Variants in CDH10 observed in about 807,000 individuals in gnomAD.
CDH10 encodes the protein cadherin 10.
In CDH10, 30 loss-of-function variants were observed where a neutral mutation model predicts 73.1. That is an observed-to-expected ratio of 0.41 (90% confidence interval 0.31 to 0.56). CDH10 has a LOEUF of 0.56. Among genes scored for constraint, CDH10 ranks in the 20% least tolerant of loss-of-function variants. CDH10 has a pLI of 0.27. For missense variants in CDH10, 815 were observed against 973.7 expected (o/e 0.84, Z 2.17); for synonymous variants, 345 against 348.2 (o/e 0.99, Z 0.10).
At position 24,504,506 on chromosome 5, in the gene CDH10, C is replaced by CTGTTTTTTTTTTT. The variant is rs1554016940; in HGVS notation, c.1393+605_1393+606insAAAAAAAAAAACA. Among the ~76,000 whole-genome samples the CTGTTTTTTTTTTT allele has an allele frequency of 2.5e-3, 165 of 65,160 alleles. 68 individuals carry two copies. Among genetic ancestry groups the CTGTTTTTTTTTTT allele is most frequent in the East Asian group, 9.2e-3 (17 of 1,840 alleles). The allele number at this position is 65,160 out of a possible 152,430, so 42.7% of individuals were successfully genotyped here. On this transcript the variant is annotated intron_variant, in intron 8 of 11. Transcript: ENST00000264463. ...TATTAAATGCTTTTCTCCTATTAAT[C>CTGTTTTTTTTTTT]TTTTTTTTTTTTTTTTTTTTTTTTT...
intron 2 of CDH10, among the ~76,000 whole-genome samples, chr5:24,575,077 C>T (rs1019731252): frequency 2.0e-5 from 3 of 151,942 alleles, no homozygotes; most frequent in Admixed American, 6.6e-5. Flanking sequence ...TCCTGCTGGT[C>T]CAGCACCAGT....
intron 2 of CDH10, among the ~76,000 whole-genome samples, chr5:24,567,455 A>G (rs2112010544): frequency 6.6e-6 from 1 of 152,046 alleles, no homozygotes; most frequent in East Asian, 1.9e-4. Context: ...AAGAGCACTC[A>G]CTCAGCAATA....
chr5:24,575,252 C>T (rs1745553268), intron 2 of CDH10, among the ~76,000 whole-genome samples: 1 of 110,734 alleles, frequency 9.0e-6, no homozygotes, highest in South Asian at 3.5e-4. Flanking sequence ...ATCTTAGCTA[C>T]TCAGGAGGCT....
At chr5:24,643,611 C>G (rs1748127216) in intron 1 of CDH10, among the ~76,000 whole-genome samples, 1 of 151,996 alleles carries the variant, frequency 6.6e-6, no homozygotes, top group South Asian at 2.1e-4. Context: ...ATAATAGAAG[C>G]TTTCACTGGA....
chr5:24,586,701 T>C (rs1746014286), intron 2 of CDH10, among the ~76,000 whole-genome samples: 1 of 151,842 alleles, frequency 6.6e-6, no homozygotes, highest in Non-Finnish European at 1.5e-5. Context: ...CGCCTTGACC[T>C]CCCAAAGTGC....
At chr5:24,638,820 T>C (rs1747950316) in intron 1 of CDH10, among the ~76,000 whole-genome samples, 1 of 151,872 alleles carries the variant, frequency 6.6e-6, no homozygotes, top group Non-Finnish European at 1.5e-5. Context: ...ATCAGCTTCT[T>C]ATTTGATGTA....
intron 1 of CDH10, among the ~76,000 whole-genome samples, chr5:24,610,661 C>G (rs970987183): frequency 5.3e-5 from 8 of 152,210 alleles, no homozygotes; most frequent in Non-Finnish European, 1.2e-4. Context: ...ATAAATATTT[C>G]CTGGCAATAT....
chr5:24,491,859 T>G, intron 10 of CDH10, 32 bp from the exon 11 acceptor site: 1 of 1,463,886 alleles, frequency 6.8e-7, no homozygotes, highest in Non-Finnish European at 9.4e-7. Flanking sequence ...TACAAATGGT[T>G]TGGGATAGTA....
chr5:24,627,600 C>A (rs1306734341), intron 1 of CDH10, among the ~76,000 whole-genome samples: 2 of 152,106 alleles, frequency 1.3e-5, no homozygotes, highest in East Asian at 3.9e-4. Context: ...ATCTAAACTT[C>A]TTTGAGCCTC....
At chr5:24,589,124 G>A (rs1041949515) in intron 2 of CDH10, among the ~76,000 whole-genome samples, 21 of 152,134 alleles carry the variant, frequency 1.4e-4, no homozygotes, top group Non-Finnish European at 7.4e-5. Flanking sequence ...TAATACTGGA[G>A]TGGTACCTAG....
At chr5:24,492,483 C>T (rs370314269) in intron 10 of CDH10, among the ~76,000 whole-genome samples, 5 of 152,140 alleles carry the variant, frequency 3.3e-5, no homozygotes, top group Non-Finnish European at 7.4e-5. Flanking sequence ...TCACTGAAGT[C>T]TGCTTAAGAG....
intron 1 of CDH10, among the ~76,000 whole-genome samples, chr5:24,619,616 TTTGGAGGGC>T (rs1376758235): frequency 6.6e-6 from 1 of 152,218 alleles, no homozygotes; most frequent in African/African-American, 2.4e-5. Flanking sequence ...GGACATGAAT[TTTGGAGGGC>T]CAGATGCAAA....
At chr5:24,567,912 G>A (rs1003249703) in intron 2 of CDH10, among the ~76,000 whole-genome samples, 1 of 152,018 alleles carries the variant, frequency 6.6e-6, no homozygotes, top group African/African-American at 2.4e-5. Context: ...CCTTTTGTCA[G>A]CAGTGTTGAT....
At chr5:24,525,911 G>A (rs16893489) in intron 5 of CDH10, among the ~76,000 whole-genome samples, 1 of 152,034 alleles carries the variant, frequency 6.6e-6, no homozygotes, top group Non-Finnish European at 1.5e-5. Flanking sequence ...CTCAAAAATG[G>A]TCTCCAAGTT....
At chr5:24,554,144 C>A (rs1298387506) in intron 2 of CDH10, 1 of 60,464 alleles carries the variant, frequency 1.7e-5, no homozygotes, top group South Asian at 5.7e-4. Context: ...TTCAATCAGC[C>A]CTCAGGAACT....
intron 7 of CDH10, among the ~76,000 whole-genome samples, chr5:24,509,007 G>C (rs1256460448): frequency 6.6e-6 from 1 of 152,044 alleles, no homozygotes. Context: ...TCAGTCTAAA[G>C]GGCATGATGA....
intron 6 of CDH10, among the ~76,000 whole-genome samples, chr5:24,510,437 A>G (rs1742860755): frequency 6.6e-6 from 1 of 152,240 alleles, no homozygotes; most frequent in Non-Finnish European, 1.5e-5. Flanking sequence ...TCAGAAGTAT[A>G]AAATCAACTA....
intron 1 of CDH10, among the ~76,000 whole-genome samples, chr5:24,642,541 A>T (rs1300110888): frequency 2.6e-5 from 4 of 152,138 alleles, no homozygotes; most frequent in African/African-American, 9.7e-5. Context: ...TCTAAATTAA[A>T]ATCAGTTTTG....
Position 24,598,060 on chromosome 5 carries a change from C to A in CDH10, c.-123-4447G>T, listed in dbSNP as rs181718919. Among the ~76,000 whole-genome samples, 35 of 152,008 alleles carry A rather than the reference C, an allele frequency of 2.3e-4. No homozygotes were observed. The East Asian group carries it at 6.8e-3, about 29-fold the overall frequency. ...TCATAGACCAAATACAGTCTAATAA[C>A]ATTTCAACACTGAAAAATAAAGGAA... On this transcript the variant is annotated intron_variant, in intron 1 of 11. Transcript: ENST00000264463.
Sources: allele counts gnomAD v4.1 joint callset (sites outside exome capture counted in the v4.1 genomes callset), GRCh38; gene constraint gnomAD v4.1.1; transcripts MANE v1.5; gene names NCBI Gene and HGNC (gene_info 2026-07-23, HGNC 2026-07-21).